ITPR2: variants seen among roughly 807,000 people sequenced by gnomAD.
The protein encoded by ITPR2 is inositol 1,4,5-trisphosphate-gated calcium channel ITPR2.
ITPR2 carries 207 observed loss-of-function variants against 317.1 expected under a neutral mutation model. The observed-to-expected ratio is 0.65, with a 90% confidence interval of 0.58 to 0.73. ITPR2 has a LOEUF of 0.73. Among genes scored for constraint, ITPR2 ranks in the 30% least tolerant of loss-of-function variants. ITPR2 has a pLI of 0.00. For synonymous variants in ITPR2, 1,156 were observed against 1,149.1 expected, an observed-to-expected ratio of 1.01 and a Z score of -0.12; for missense variants, 2,613 against 3,284.0, an observed-to-expected ratio of 0.80 and a Z score of 4.99.
intron 37 of ITPR2, among the ~76,000 whole-genome samples, chr12:26,497,153 CTCTT>C (rs1942952174): frequency 6.9e-6 from 1 of 144,572 alleles, no homozygotes; most frequent in Non-Finnish European, 1.5e-5. Context: ...TCATTTCTCT[CTCTT>C]TTTTTTTTTT....
chr12:26,557,908 G>A (rs1411707984), intron 35 of ITPR2, among the ~76,000 whole-genome samples: 2 of 152,030 alleles, frequency 1.3e-5, no homozygotes, highest in Admixed American at 1.3e-4. Flanking sequence ...TTCACCCATA[G>A]CTATGGCATA....
In ITPR2 at chr12:26,686,494, A is replaced by C; in HGVS notation, c.1135T>G (p.Cys379Gly). ...LDATTLQRAD[C>G]LVPRNSYVRL... ...AATTTTTTTTACCTTGGAACCAGGC[A>C]GTCAGCTCTCTGAAGAGTTGTGGCA... The change falls in exon 11 of 57, where the codon TGC (cysteine) becomes GGC (glycine). Residue 379 changes from cysteine (C) to glycine (G), a missense_variant. Around this residue, in one of 9 missense-constraint regions of ITPR2, gnomAD observed 515 missense variants for 789.4 expected, o/e 0.65. Transcript: ENST00000381340. 6.3e-7 allele frequency: 1 copy of C among 1,586,470 alleles called. No individual in the cohort carries two copies. The highest frequency in any genetic ancestry group is 2.3e-5 in the East Asian group (1 of 43,624).
chr12:26,449,331 G>A (rs11048526), intron 45 of ITPR2, among the ~76,000 whole-genome samples: 4,531 of 152,124 alleles, frequency 0.03, 195 homozygotes, highest in East Asian at 0.21. Context: ...TCAGCAGAAG[G>A]GGGCAAAAAC....
chr12:26,819,324 G>T (rs1351048664), intron 1 of ITPR2, among the ~76,000 whole-genome samples: 1 of 152,086 alleles, frequency 6.6e-6, no homozygotes, highest in Non-Finnish European at 1.5e-5. Context: ...TTTGGAATTG[G>T]CTTAAGGCAA....
At chr12:26,832,551 G>A (rs781672597) in intron 1 of ITPR2, 139 bp downstream of exon 1, 7 of 541,830 alleles carry the variant, frequency 1.3e-5, no homozygotes, top group Non-Finnish European at 2.2e-5. Context: ...CGGAGCGCAC[G>A]GCGCTGTCCG....
intron 13 of ITPR2, among the ~76,000 whole-genome samples, chr12:26,681,325 T>C (rs2136959978): frequency 6.6e-6 from 1 of 152,328 alleles, no homozygotes; most frequent in East Asian, 1.9e-4. Flanking sequence ...GCAATAATCG[T>C]TAGCTGTCAA....
chr12:26,575,159 G>A (rs186898385), intron 34 of ITPR2, among the ~76,000 whole-genome samples: 101 of 147,444 alleles, frequency 6.9e-4, no homozygotes, highest in African/African-American at 2.3e-3. Context: ...GGAAACTCGA[G>A]AAAGCTAGTG....
intron 26 of ITPR2, among the ~76,000 whole-genome samples, chr12:26,619,425 A>G (rs892071680): frequency 2.0e-5 from 3 of 152,176 alleles, no homozygotes; most frequent in Non-Finnish European, 4.4e-5. Flanking sequence ...AGGGTGGTGT[A>G]TCCTAGCTTG....
chr12:26,646,967 G>T (rs1947128053), intron 21 of ITPR2, among the ~76,000 whole-genome samples: 2 of 152,172 alleles, frequency 1.3e-5, no homozygotes, highest in East Asian at 3.8e-4. Context: ...AAACTATTTA[G>T]CTCTTGGTTG....
intron 35 of ITPR2, among the ~76,000 whole-genome samples, chr12:26,559,005 C>T (rs1386354541): frequency 6.6e-6 from 1 of 152,186 alleles, no homozygotes; most frequent in East Asian, 1.9e-4. Flanking sequence ...TACAACACAT[C>T]GATTCATCCA....
chr12:26,798,745 A>G (rs1031716401), intron 1 of ITPR2, among the ~76,000 whole-genome samples: 3 of 152,246 alleles, frequency 2.0e-5, no homozygotes, highest in African/African-American at 4.8e-5. Context: ...TTTCCACCTT[A>G]TATCTGACAG....
chr12:26,371,253 T>C (rs1438062867), intron 55 of ITPR2, among the ~76,000 whole-genome samples: 1 of 152,228 alleles, frequency 6.6e-6, no homozygotes, highest in Non-Finnish European at 1.5e-5. Flanking sequence ...CTAAATACTC[T>C]GTCAGCAAGC....
intron 48 of ITPR2, among the ~76,000 whole-genome samples, chr12:26,433,132 G>T (rs1565523731): frequency 6.6e-6 from 1 of 152,162 alleles, no homozygotes; most frequent in African/African-American, 2.4e-5. Flanking sequence ...TATTCATGGG[G>T]CTATAATTAA....
intron 37 of ITPR2, among the ~76,000 whole-genome samples, chr12:26,543,513 C>T (rs1407668863): frequency 1.3e-5 from 2 of 152,084 alleles, no homozygotes; most frequent in African/African-American, 2.4e-5. Context: ...AGGCTGGGCA[C>T]GGTAGCTCAC....
intron 52 of ITPR2, among the ~76,000 whole-genome samples, chr12:26,401,852 G>A (rs1027049514): frequency 6.6e-6 from 1 of 152,200 alleles, no homozygotes; most frequent in Admixed American, 6.5e-5. Context: ...CTTTGGAGCT[G>A]TTTCCTTTTA....
intron 45 of ITPR2, among the ~76,000 whole-genome samples, chr12:26,455,393 T>A (rs374517217): frequency 8.2e-6 from 1 of 121,662 alleles, no homozygotes; most frequent in African/African-American, 3.2e-5. Flanking sequence ...TGAGATAGAG[T>A]GGTTCTTAAA....
intron 10 of ITPR2, among the ~76,000 whole-genome samples, chr12:26,691,587 T>C (rs939531838): frequency 1.6e-4 from 25 of 152,030 alleles, no homozygotes; most frequent in African/African-American, 5.8e-4. Context: ...ATGGAGAAAA[T>C]GCCCCTACGA....
intron 2 of ITPR2, among the ~76,000 whole-genome samples, chr12:26,771,520 G>A (rs917670562): frequency 6.6e-6 from 1 of 152,014 alleles, no homozygotes; most frequent in Non-Finnish European, 1.5e-5. Context: ...TATTGTTTTT[G>A]TTTTGTTTTT....
chr12:26,787,028 G>A (rs542477679), intron 2 of ITPR2, among the ~76,000 whole-genome samples: 184 of 152,262 alleles, frequency 1.2e-3, no homozygotes, highest in African/African-American at 4.0e-3. Context: ...AAAAAAAATG[G>A]GGGAAATATA....
Sources: allele counts gnomAD v4.1 joint callset (sites outside exome capture counted in the v4.1 genomes callset), GRCh38; gene constraint gnomAD v4.1.1; regional missense constraint gnomAD v4.1.1; transcripts MANE v1.5; gene names NCBI Gene and HGNC (gene_info 2026-07-23, HGNC 2026-07-21).